Variants in SYT7 observed in about 807,000 individuals in gnomAD.
The protein encoded by SYT7 is synaptotagmin 7.
A neutral mutation model predicts 75.1 loss-of-function variants in SYT7; 29 were observed. The ratio of observed to expected loss-of-function variants is 0.39; its 90% CI spans 0.29 to 0.53. The LOEUF is 0.53. Among genes scored for constraint, SYT7 ranks in the 20% least tolerant of loss-of-function variants. The pLI is 0.77. For synonymous variants in SYT7, 376 were observed against 401.7 expected (o/e 0.94, Z 0.76); for missense variants, 693 against 953.2 (o/e 0.73, Z 3.59).
chr11:61,518,809 A>C (rs1456180468), intron 12 of SYT7, 78 bp from the exon 13 acceptor site: 1 of 1,056,306 alleles, frequency 9.5e-7, no homozygotes, highest in African/African-American at 1.6e-5. Context: ...GTGACACCCC[A>C]ACTCCACCAT....
At chr11:61,549,732 T>C (rs1266658255) in intron 3 of SYT7, among the ~76,000 whole-genome samples, 2 of 152,186 alleles carry the variant, frequency 1.3e-5, no homozygotes, top group African/African-American at 4.8e-5. Flanking sequence ...GCTAGGATTG[T>C]GAGTGCGGGG....
chr11:61,570,860 T>G (rs2063901664), intron 1 of SYT7, among the ~76,000 whole-genome samples: 1 of 152,192 alleles, frequency 6.6e-6, no homozygotes, highest in South Asian at 2.1e-4. Context: ...GCCTTCATGT[T>G]CCCACCTGTA....
At chr11:61,557,197 TG>T (rs1163249142) in intron 1 of SYT7, among the ~76,000 whole-genome samples, 1 of 152,200 alleles carries the variant, frequency 6.6e-6, no homozygotes, top group Non-Finnish European at 1.5e-5. Context: ...AATTCTCATG[TG>T]GGGCAGTGAG....
Position 61,514,270 on chromosome 11 carries a change from C to G in SYT7, c.*4357G>C, listed in dbSNP as rs1003409811. Among the ~76,000 whole-genome samples the G allele has an allele frequency of 8.5e-5, 13 of 152,238 alleles. No individual in the cohort carries two copies. Among genetic ancestry groups the G allele is most frequent in the Non-Finnish European group, 1.6e-4 (11 of 68,042 alleles). ...ACAGAAGCTCTGGCCAAGGGAGCCCCTGAGGCTACTTACCTGACCCCGGGG... is the reference window on the plus strand; with the variant it reads ...ACAGAAGCTCTGGCCAAGGGAGCCCGTGAGGCTACTTACCTGACCCCGGGG... On this transcript the variant is annotated 3_prime_UTR_variant, in exon 13 of 13. Coordinates refer to ENST00000539008, the MANE Select transcript of SYT7 (RefSeq NM_001365809.2).
intron 9 of SYT7, chr11:61,526,306 G>A (rs193156681): frequency 5.5e-4 from 84 of 152,288 alleles, no homozygotes; most frequent in African/African-American, 2.0e-3. Flanking sequence ...AAATGCATGA[G>A]GACAAGTGTT....
Position 61,546,487 on chromosome 11 carries a change from AGAG to A in SYT7, c.348-235_348-233del. On this transcript the variant is annotated intron_variant, in intron 4 of 12. Coordinates refer to ENST00000539008, the MANE Select transcript of SYT7 (RefSeq NM_001365809.2). This position sits in a 1 kb window ranked among gnomAD's most constrained non-coding sequence, Gnocchi z 7.6. ...CAAATGGGTTAACAGCGGAGCCTGC[AGAG>A]GAGAGAGGGGGACCGGGCGGGCTGG... The A allele has an allele frequency of 2.2e-6, 1 of 455,082 alleles. No homozygotes were observed. The highest frequency in any genetic ancestry group is 4.1e-6 in the Non-Finnish European group (1 of 245,136). 28.2% of individuals were successfully genotyped at this position (455,082 alleles called of 1,614,324 possible). A position where few individuals can be genotyped will look rare whatever the true frequency, so the allele number is the denominator to read the frequency against.
At chr11:61,530,072 A>G (rs1295047821) in intron 8 of SYT7, among the ~76,000 whole-genome samples, 1 of 152,220 alleles carries the variant, frequency 6.6e-6, no homozygotes, top group Non-Finnish European at 1.5e-5. Context: ...CACGTGGAAC[A>G]CAGCTGGAAC....
In SYT7 at chr11:61,523,278, G is replaced by A. The variant is rs2062406531; in HGVS notation, c.1757-4C>T. On this transcript the variant is annotated splice_polypyrimidine_tract_variant and splice_region_variant and intron_variant, in intron 11 of 12. Coordinates refer to ENST00000539008, the MANE Select transcript of SYT7 (RefSeq NM_001365809.2). This position sits in a 1 kb window ranked among gnomAD's most constrained non-coding sequence, Gnocchi z 5.0. The stretch of plus-strand genomic sequence containing the variant: ...AGCCATACCTTCACGTAGGGGTCTA[G>A]GGGAGGGAGTGGGGAAGGGTTAGAG... The A allele has an allele frequency of 1.2e-6, 2 of 1,614,158 alleles. No homozygotes were observed. Among genetic ancestry groups the A allele is most frequent in the Non-Finnish European group, 8.5e-7 (1 of 1,180,002 alleles).
upstream of SYT7, among the ~76,000 whole-genome samples, chr11:61,582,974 G>A (rs1380121183): frequency 3.9e-5 from 6 of 152,062 alleles, no homozygotes; most frequent in Admixed American, 2.6e-4. Context: ...ACACCTGTAA[G>A]CCCAGCACTT....
rs1172982128 is a variant in SYT7, at chr11:61,514,564, C to G, written c.*4063G>C. Among the ~76,000 whole-genome samples the G allele has an allele frequency of 1.3e-5, 2 of 152,134 alleles. No homozygotes were observed. ...TGTAGCACCTTCCTTCTGAAGTACC[C>G]TGAGAGCTGCGGGGGCTCAGCTTCC... On this transcript the variant is annotated 3_prime_UTR_variant, in exon 13 of 13. Coordinates refer to ENST00000539008, the MANE Select transcript of SYT7 (RefSeq NM_001365809.2).
At chr11:61,549,926 C>G (rs2063300350) in intron 3 of SYT7, among the ~76,000 whole-genome samples, 1 of 152,206 alleles carries the variant, frequency 6.6e-6, no homozygotes, top group South Asian at 2.1e-4. Context: ...CACCCCTATC[C>G]AGGAAGGTTA....
At position 61,551,499 on chromosome 11, in the gene SYT7, A is replaced by G. The variant is rs1362597522; in HGVS notation, c.136-36T>C. On this transcript the variant is annotated intron_variant, in intron 2 of 12. Transcript: ENST00000539008. The surrounding 1 kb of genome is among the most constrained non-coding windows in gnomAD (Gnocchi z 5.3). ...AGCACTAGGATCACTCCTGGGGAACAGGACTGTACCCTCCCTACCTCCCCA... is the reference window on the plus strand; with the variant it reads ...AGCACTAGGATCACTCCTGGGGAACGGGACTGTACCCTCCCTACCTCCCCA... The G allele has an allele frequency of 1.2e-6, 2 of 1,603,346 alleles. No homozygotes were observed. The highest frequency in any genetic ancestry group is 8.5e-7 in the Non-Finnish European group (1 of 1,171,630).
chr11:61,520,797 C>T (rs11602847), intron 12 of SYT7, among the ~76,000 whole-genome samples: 3,519 of 152,192 alleles, frequency 0.023, 82 homozygotes, highest in Non-Finnish European at 0.032. Flanking sequence ...TACTCCAGCC[C>T]GGGTGACAGA....
Position 61,546,166 on chromosome 11 carries a change from A to G in SYT7, c.437T>C (p.Val146Ala). The G allele has an allele frequency of 2.0e-6, 3 of 1,524,098 alleles. No homozygotes were observed. Among genetic ancestry groups the G allele is most frequent in the Middle Eastern group, 3.9e-4 (2 of 5,160 alleles). The allele number at this position is 1,524,098 out of a possible 1,614,324, so 94.4% of individuals were successfully genotyped here. Residue 146 changes from valine (V) to alanine (A), a missense_variant, in exon 5 of 13, where the codon GTG becomes GCG. Physicochemically the swap from Val to Ala is moderately conservative, Grantham distance 64. Coordinates refer to ENST00000539008, the MANE Select transcript of SYT7 (RefSeq NM_001365809.2). This position sits in a 1 kb window ranked among gnomAD's most constrained non-coding sequence, Gnocchi z 7.6. Reference protein sequence around the residue: ...EGRLGEKPAPVPPPGEDALRS... With the variant: ...EGRLGEKPAPAPPPGEDALRS... ...CAAGGCGTCCTCTCCGGGTGGCGGC[A>G]CCGGTGCCGGCTTCTCCCCCAGCCG...
At chr11:61,547,058 G>A (rs74728192) in intron 4 of SYT7, 119 bp downstream of exon 4, 1 of 1,284,704 alleles carries the variant, frequency 7.8e-7, no homozygotes, top group Non-Finnish European at 1.1e-6. Context: ...GAAGTTGGGG[G>A]ACAGGAGCGA....
rs1231168558 is a variant in SYT7 at position 61,551,708 on chromosome 11, C to A, written c.136-245G>T. 2.0e-5 allele frequency among the ~76,000 whole-genome samples: 3 copies of A among 152,156 alleles called. No individual in the cohort carries two copies. Among genetic ancestry groups the A allele is most frequent in the Non-Finnish European group, 4.4e-5 (3 of 68,014 alleles). ...CCACCCACCTCGACCCGAACCTCATCCCTGACTCCCAGGGATCAGCCCCTC... is the reference window on the plus strand; with the variant it reads ...CCACCCACCTCGACCCGAACCTCATACCTGACTCCCAGGGATCAGCCCCTC... On this transcript the variant is annotated intron_variant, in intron 2 of 12. Coordinates refer to ENST00000539008, the MANE Select transcript of SYT7 (RefSeq NM_001365809.2). This position sits in a 1 kb window ranked among gnomAD's most constrained non-coding sequence, Gnocchi z 5.3.
At position 61,580,188 on chromosome 11, in the gene SYT7, C is replaced by T. The variant is rs1261874194; in HGVS notation, c.31+602G>A. On this transcript the variant is annotated intron_variant, in intron 1 of 12. Coordinates refer to ENST00000539008, the MANE Select transcript of SYT7 (RefSeq NM_001365809.2). This position sits in a 1 kb window ranked among gnomAD's most constrained non-coding sequence, Gnocchi z 6.1. Reference sequence around the variant, plus strand: ...AACATTCTCTTGGCACCCCCATTCTCATGAGCCCCTGCTCTCTTTCCCTTC... The same window carrying T: ...AACATTCTCTTGGCACCCCCATTCTTATGAGCCCCTGCTCTCTTTCCCTTC... Among the ~76,000 whole-genome samples the T allele has an allele frequency of 2.0e-5, 3 of 151,848 alleles. No homozygotes were observed. In the East Asian group the frequency reaches 5.9e-4, roughly 30 times the overall value.
intron 9 of SYT7, 41 bp downstream of exon 9, chr11:61,527,874 C>A (rs758801464): frequency 1.2e-6 from 2 of 1,605,758 alleles, no homozygotes; most frequent in South Asian, 1.1e-5. Flanking sequence ...TGGTAGACAG[C>A]AAGAGGTGAC....
chr11:61,534,460 C>A (rs191818888), intron 7 of SYT7, among the ~76,000 whole-genome samples: 3 of 151,916 alleles, frequency 2.0e-5, no homozygotes, highest in Non-Finnish European at 4.4e-5. Flanking sequence ...CACGCACGTG[C>A]GTGCATATGT....
Sources: gnomAD v4.1 joint callset for allele counts (sites outside exome capture counted in the v4.1 genomes callset) on GRCh38, gnomAD v4.1.1 for gene constraint, Gnocchi (gnomAD v3.1) non-coding constraint, MANE v1.5 for transcripts, NCBI Gene and HGNC (gene_info 2026-07-23, HGNC 2026-07-21) for gene names.